The following COL23A1 variants were observed in gnomAD, a reference collection of about 807,000 sequenced individuals.
COL23A1 encodes the protein collagen type XXIII alpha 1 chain.
Under a neutral mutation model 99.3 loss-of-function variants are expected in COL23A1, and 97 were observed. The observed-to-expected ratio is 0.98, with a 90% CI of 0.83 to 1.16. COL23A1 has a LOEUF of 1.16. Ranked by LOEUF, COL23A1 falls within the 50% of genes most tolerant of loss-of-function variation. The pLI is 0.00. For missense variants in COL23A1, 762 were observed against 757.4 expected (o/e 1.01, Z -0.07); for synonymous variants, 320 against 308.2 (o/e 1.04, Z -0.40).
At chr5:178,460,716 TTCTTA>T (rs146325027) in intron 2 of COL23A1, among the ~76,000 whole-genome samples, 9 of 152,324 alleles carry the variant, frequency 5.9e-5, no homozygotes, top group African/African-American at 2.2e-4. Context: ...TGCCCTGCTT[TTCTTA>T]TCTTATGCCT....
chr5:178,448,206 C>T (rs1158173437), intron 2 of COL23A1, among the ~76,000 whole-genome samples: 2 of 49,118 alleles, frequency 4.1e-5, no homozygotes, highest in African/African-American at 1.7e-4. Flanking sequence ...AGTCGCAGTC[C>T]GTTTTGTTCT....
Position 178,579,974 on chromosome 5 carries a change from G to A in COL23A1, c.294+9930C>T, listed in dbSNP as rs1033302856. Reference sequence around the variant, plus strand: ...GGCCAATCGCTGCCCCTCTCTGGGAGGCTGGATCCCATCTTACCCACGATA... The same window carrying A: ...GGCCAATCGCTGCCCCTCTCTGGGAAGCTGGATCCCATCTTACCCACGATA... On this transcript the variant is annotated intron_variant, in intron 1 of 28. Transcript: ENST00000390654. 2.0e-5 allele frequency among the ~76,000 whole-genome samples: 3 copies of A among 152,176 alleles called. No homozygotes were observed. In the South Asian group the frequency reaches 6.2e-4, roughly 32 times the overall value.
chr5:178,430,278 G>A (rs1454696980), intron 2 of COL23A1, among the ~76,000 whole-genome samples: 1 of 152,150 alleles, frequency 6.6e-6, no homozygotes, highest in Non-Finnish European at 1.5e-5. Flanking sequence ...ACACACAGGT[G>A]ACTTCACTGG....
At chr5:178,501,100 T>C (rs569970979) in intron 2 of COL23A1, among the ~76,000 whole-genome samples, 1 of 152,282 alleles carries the variant, frequency 6.6e-6, no homozygotes, top group African/African-American at 2.4e-5. Flanking sequence ...CAGGGCATTA[T>C]CTATAAAATA....
intron 5 of COL23A1, among the ~76,000 whole-genome samples, chr5:178,275,164 C>T (rs1756514512): frequency 6.6e-6 from 1 of 152,236 alleles, no homozygotes; most frequent in Non-Finnish European, 1.5e-5. Flanking sequence ...TTGTGAAATG[C>T]AGGTCATGCC....
chr5:178,379,558 GTAAT>G (rs1763262934), intron 2 of COL23A1, among the ~76,000 whole-genome samples: 1 of 152,168 alleles, frequency 6.6e-6, no homozygotes, highest in Non-Finnish European at 1.5e-5. Flanking sequence ...TATTACCCCT[GTAAT>G]TAATAGAGAA....
chr5:178,286,239 G>T (rs999042169), intron 5 of COL23A1, among the ~76,000 whole-genome samples: 60 of 152,254 alleles, frequency 3.9e-4, no homozygotes, highest in African/African-American at 1.4e-3. Flanking sequence ...AGTGACTGGG[G>T]AGCTGCTGGT....
chr5:178,328,065 G>A (rs1044079991), intron 2 of COL23A1, among the ~76,000 whole-genome samples: 7 of 151,884 alleles, frequency 4.6e-5, no homozygotes, highest in African/African-American at 7.3e-5. Flanking sequence ...TGTGGAGAGC[G>A]GCACGGTCCA....
intron 2 of COL23A1, among the ~76,000 whole-genome samples, chr5:178,371,964 G>A (rs867274070): frequency 1.3e-5 from 2 of 152,256 alleles, no homozygotes; most frequent in South Asian, 4.1e-4. Context: ...GCCTGGCCAA[G>A]TCTGCGATAG....
Position 178,280,856 on chromosome 5 carries a change from G to C in COL23A1, c.441+7468C>G, listed in dbSNP as rs1206260219. On this transcript the variant is annotated intron_variant, in intron 5 of 28. Transcript: ENST00000390654. This position sits in a 1 kb window ranked among gnomAD's most constrained non-coding sequence, Gnocchi z 4.9. ...CAGGAGGATGCAAAAAACTGCAGCA[G>C]ATACAGGAGGCATCTGGGAGCCGAG... Among the ~76,000 whole-genome samples, 1 of 152,226 alleles carries C rather than the reference G, an allele frequency of 6.6e-6. No homozygotes were observed. Among genetic ancestry groups the C allele is most frequent in the Non-Finnish European group, 1.5e-5 (1 of 68,046 alleles).
At chr5:178,483,660 G>C (rs1397467655) in intron 2 of COL23A1, among the ~76,000 whole-genome samples, 1 of 152,194 alleles carries the variant, frequency 6.6e-6, no homozygotes, top group Non-Finnish European at 1.5e-5. Flanking sequence ...TCTATTCCTA[G>C]GCATGAAGCC....
intron 2 of COL23A1, among the ~76,000 whole-genome samples, chr5:178,325,603 C>T (rs908971971): frequency 2.6e-5 from 4 of 152,166 alleles, no homozygotes; most frequent in African/African-American, 9.7e-5. Context: ...CCACTTGCTA[C>T]AGTGATTACT....
At chr5:178,299,555 G>A (rs1757921864) in intron 3 of COL23A1, among the ~76,000 whole-genome samples, 2 of 152,066 alleles carry the variant, frequency 1.3e-5, no homozygotes, top group Admixed American at 6.5e-5. Context: ...GGTCAGTCTA[G>A]TTAAAGGTTT....
chr5:178,298,798 C>A (rs137880522), intron 3 of COL23A1, among the ~76,000 whole-genome samples: 1 of 152,178 alleles, frequency 6.6e-6, no homozygotes, highest in Non-Finnish European at 1.5e-5. Context: ...TGACCTCAAG[C>A]GATTTGCCCG....
At chr5:178,503,365 CAAT>C (rs892259836) in intron 2 of COL23A1, among the ~76,000 whole-genome samples, 2 of 152,094 alleles carry the variant, frequency 1.3e-5, no homozygotes, top group Admixed American at 1.3e-4. Context: ...AAACAAAAGT[CAAT>C]GATGTAAAAG....
chr5:178,389,026 G>C (rs1028970834), intron 2 of COL23A1, among the ~76,000 whole-genome samples: 7 of 152,178 alleles, frequency 4.6e-5, no homozygotes, highest in Admixed American at 3.3e-4. Context: ...ACTAACTAAA[G>C]GCTAAAATTT....
intron 2 of COL23A1, among the ~76,000 whole-genome samples, chr5:178,438,007 G>T (rs1435924308): frequency 6.6e-6 from 1 of 152,172 alleles, no homozygotes; most frequent in African/African-American, 2.4e-5. Context: ...TGCTGCTTAG[G>T]CCTCAAAAAA....
chr5:178,496,077 C>T lies in COL23A1; in HGVS notation c.361+64605G>A, dbSNP rs144245692. ...CAGAAGGGATAGTCAATAACTGAAT[C>T]AACGCATGGGACAGGGTAGGAGGCA... On this transcript the variant is annotated intron_variant, in intron 2 of 28. Coordinates refer to ENST00000390654, the MANE Select transcript of COL23A1 (RefSeq NM_173465.4). 9.9e-5 allele frequency among the ~76,000 whole-genome samples: 15 copies of T among 152,274 alleles called. No homozygotes were observed. The East Asian group carries it at 2.7e-3, about 27-fold the overall frequency.
At position 178,254,845 on chromosome 5, in the gene COL23A1, T is replaced by C. The variant is rs955610738; in HGVS notation, c.960+104A>G. 5.0e-6 allele frequency: 5 copies of C among 993,832 alleles called. No individual in the cohort carries two copies. The African/African-American group carries it at 6.4e-5, about 13-fold the overall frequency. The allele number at this position is 993,832 out of a possible 1,614,324, so 61.6% of individuals were successfully genotyped here. ...CGGGGTCTTTGTGCTAAGCTGCCTC[T>C]GGTCCCTTGTGTAAAAAAGTGCAGG... On this transcript the variant is annotated intron_variant, in intron 16 of 28. Transcript: ENST00000390654.
Sources: allele counts gnomAD v4.1 joint callset (sites outside exome capture counted in the v4.1 genomes callset), GRCh38; gene constraint gnomAD v4.1.1; non-coding constraint Gnocchi (gnomAD v3.1); transcripts MANE v1.5; gene names NCBI Gene and HGNC (gene_info 2026-07-23, HGNC 2026-07-21).